Variants in CCDC174 observed in about 807,000 individuals in gnomAD.
CCDC174 encodes the protein coiled-coil domain-containing protein 174.
CCDC174 carries 37 observed loss-of-function variants against 57.1 expected under a neutral mutation model. The ratio of observed to expected loss-of-function variants is 0.65; its 90% CI spans 0.50 to 0.85. The LOEUF (loss-of-function observed/expected upper bound fraction) is 0.85. Among genes scored for constraint, CCDC174 ranks in the 40% least tolerant of loss-of-function variants. The pLI is 0.00. For missense variants in CCDC174, 540 were observed against 574.3 expected (o/e 0.94, Z 0.61); for synonymous variants, 182 against 190.2 (o/e 0.96, Z 0.35).
In CCDC174 at chr3:14,668,105, A is replaced by G; in HGVS notation, c.876A>G (p.Leu292=). 6.2e-7 allele frequency: 1 copy of G among 1,610,364 alleles called. No individual in the cohort carries two copies. Among genetic ancestry groups the G allele is most frequent in the South Asian group, 1.1e-5 (1 of 90,224 alleles). The change falls in exon 9 of 11, where the codon TTA becomes TTG. Residue 292 remains leucine (L), a synonymous_variant. Transcript: ENST00000383794. The stretch of plus-strand genomic sequence containing the variant: ...TAAAGGAAAAGCGAAAGGCTATCTT[A>G]GAGGCAAGACTTGCCAAACTTCGAC... ...ENIKEKRKAI[L]EARLAKLRQK...
intron 5 of CCDC174, among the ~76,000 whole-genome samples, chr3:14,662,346 T>A (rs1297060652): frequency 3.1e-5 from 1 of 31,962 alleles, no homozygotes; most frequent in Non-Finnish European, 5.9e-5. Flanking sequence ...CCGCCCCCCT[T>A]CAAGAAGTAA....
At chr3:14,653,635 T>C (rs1197630635) in intron 1 of CCDC174, among the ~76,000 whole-genome samples, 1 of 152,226 alleles carries the variant, frequency 6.6e-6, no homozygotes, top group African/African-American at 2.4e-5. Flanking sequence ...GGGTAATTAA[T>C]GTAGCTGAGG....
rs778314409 is a variant in CCDC174, at chr3:14,666,875, T to C, written c.652T>C (p.Trp218Arg). Reference protein sequence around the residue: ...DMRKELQRQQWEEEEREALKR... With the variant: ...DMRKELQRQQREEEEREALKR... The stretch of plus-strand genomic sequence containing the variant: ...GAGAAAAGAACTTCAGCGCCAGCAA[T>C]GGGAGGAAGAAGAAAGAGAGGCCCT... The change falls in exon 7 of 11, where the codon TGG becomes CGG. Residue 218 changes from tryptophan (W) to arginine (R), a missense_variant. Coordinates refer to ENST00000383794, the MANE Select transcript of CCDC174 (RefSeq NM_016474.5). 4.4e-6 allele frequency: 7 copies of C among 1,607,182 alleles called. No homozygotes were observed. Among genetic ancestry groups the C allele is most frequent in the East Asian group, 4.5e-5 (2 of 44,750 alleles).
At position 14,666,037 on chromosome 3, in the gene CCDC174, C is replaced by CAA. The variant is rs71038422; in HGVS notation, c.582-746_582-745dup. 4.9e-3 allele frequency among the ~76,000 whole-genome samples: 417 copies of CAA among 84,786 alleles called. 5 individuals are homozygous for CAA. The highest frequency in any genetic ancestry group is 0.018 in the African/African-American group (389 of 21,900). 55.6% of individuals were successfully genotyped at this position (84,786 alleles called of 152,430 possible). A position where few individuals can be genotyped will look rare whatever the true frequency, so the allele number is the denominator to read the frequency against. On this transcript the variant is annotated intron_variant, in intron 6 of 10. Transcript: ENST00000383794. Reference sequence around the variant, plus strand: ...TGGGCTACAGAGCGAGACTCCGTCTCAAAAAAAAAAAAAAAAAAAAAAAGA... The same window carrying CAA: ...TGGGCTACAGAGCGAGACTCCGTCTCAAAAAAAAAAAAAAAAAAAAAAAAAGA...
intron 3 of CCDC174, among the ~76,000 whole-genome samples, chr3:14,656,783 A>G (rs549104238): frequency 1.3e-5 from 2 of 152,188 alleles, no homozygotes; most frequent in African/African-American, 2.4e-5. Context: ...TAATTCTGTC[A>G]TTCCATCTTT....
chr3:14,652,135 C>T (rs918317394), intron 1 of CCDC174, among the ~76,000 whole-genome samples: 1 of 152,166 alleles, frequency 6.6e-6, no homozygotes, highest in African/African-American at 2.4e-5. Context: ...CCTGGTGTCC[C>T]GTGGGTTAGG....
intron 7 of CCDC174, chr3:14,667,194 T>G (rs570953092): frequency 1.6e-6 from 1 of 617,278 alleles, no homozygotes; most frequent in Admixed American, 3.0e-5. Flanking sequence ...AGCCCATGGC[T>G]GAAAGCAAAC....
chr3:14,652,008 C>A, intron 1 of CCDC174, 130 bp downstream of exon 1: 1 of 889,062 alleles, frequency 1.1e-6, no homozygotes, highest in Non-Finnish European at 1.8e-6. Flanking sequence ...AACAGGAACC[C>A]CCGAACTGGA....
Position 14,658,853 on chromosome 3 carries a change from G to C in CCDC174, c.249-18G>C. The C allele has an allele frequency of 6.5e-7, 1 of 1,541,144 alleles. No homozygotes were observed. The highest frequency in any genetic ancestry group is 8.9e-7 in the Non-Finnish European group (1 of 1,129,506). ...AGTTATAAGACCATTTCTAATACTT[G>C]TATTTTTTTTCTCCTAGGGAAAAAT... On this transcript the variant is annotated intron_variant, in intron 3 of 10. Transcript: ENST00000383794.
At chr3:14,660,519 A>T (rs2053019) in intron 4 of CCDC174, among the ~76,000 whole-genome samples, 2,467 of 152,044 alleles carry the variant, frequency 0.016, 49 homozygotes, top group African/African-American at 0.056. Flanking sequence ...AAGAAAAAAA[A>T]AGTTTATTTT....
At chr3:14,663,685 C>G (rs1020654659) in intron 5 of CCDC174, among the ~76,000 whole-genome samples, 7 of 149,080 alleles carry the variant, frequency 4.7e-5, no homozygotes, top group African/African-American at 1.8e-4. Flanking sequence ...TTTTGGAGGC[C>G]TTCTCCAGAA....
chr3:14,659,315 G>A (rs368078616), intron 4 of CCDC174, among the ~76,000 whole-genome samples: 1 of 152,196 alleles, frequency 6.6e-6, no homozygotes, highest in Non-Finnish European at 1.5e-5. Context: ...TTGTGGTTCT[G>A]TTAGGTGCTA....
intron 1 of CCDC174, among the ~76,000 whole-genome samples, chr3:14,653,628 T>C (rs1020476969): frequency 6.6e-5 from 10 of 152,094 alleles, no homozygotes; most frequent in Admixed American, 6.5e-4. Context: ...TAGGCAGGGG[T>C]AATTAATGTA....
At chr3:14,653,890 G>T (rs1412006945) in intron 1 of CCDC174, among the ~76,000 whole-genome samples, 1 of 152,224 alleles carries the variant, frequency 6.6e-6, no homozygotes, top group Non-Finnish European at 1.5e-5. Context: ...CTGAACTTAT[G>T]TGCTACTTTC....
At chr3:14,662,893 TA>T (rs1306600507) in intron 5 of CCDC174, among the ~76,000 whole-genome samples, 3 of 152,246 alleles carry the variant, frequency 2.0e-5, no homozygotes, top group African/African-American at 7.2e-5. Context: ...CTCATTGGGA[TA>T]AAACAGGTAT....
chr3:14,659,281 CAG>C (rs1328739175), intron 4 of CCDC174, among the ~76,000 whole-genome samples: 2 of 142,086 alleles, frequency 1.4e-5, no homozygotes, highest in Non-Finnish European at 3.0e-5. Context: ...TGTGCTAAAA[CAG>C]GGTGGGTTGG....
intron 5 of CCDC174, among the ~76,000 whole-genome samples, chr3:14,664,350 T>A (rs567722355): frequency 5.3e-5 from 8 of 152,320 alleles, no homozygotes; most frequent in African/African-American, 1.9e-4. Context: ...TGTTGCGTCA[T>A]AATACAAATG....
In CCDC174 at chr3:14,667,270, G is replaced by T. The variant is rs144336266; in HGVS notation, c.725-154G>T. 1.5e-3 allele frequency: 1,032 copies of T among 676,732 alleles called. 6 individuals carry two copies. In the African/African-American group the frequency reaches 0.017, roughly 11 times the overall value. 41.9% of individuals were successfully genotyped at this position (676,732 alleles called of 1,614,324 possible). Reference sequence around the variant, plus strand: ...TTGGTCTAACTTTTGTGTTTCTTTGGTTTTTTGTTTCTTCGCTTAGCTGTT... The same window carrying T: ...TTGGTCTAACTTTTGTGTTTCTTTGTTTTTTTGTTTCTTCGCTTAGCTGTT... On this transcript the variant is annotated intron_variant, in intron 7 of 10. Transcript: ENST00000383794.
Position 14,671,143 on chromosome 3 carries a change from T to TA in CCDC174, c.1354dup (p.Thr452AsnfsTer7). The TA allele has an allele frequency of 6.2e-7, 1 of 1,613,684 alleles. No individual in the cohort carries two copies. The highest frequency in any genetic ancestry group is 8.5e-7 in the Non-Finnish European group (1 of 1,179,812). The stretch of plus-strand genomic sequence containing the variant: ...ACAACCCACCACAAGCCCCCACAGT[T>TA]ACTTTCAAAACTCTGGATGACATGA... On this transcript the variant is annotated frameshift_variant, in exon 11 of 11. Transcript: ENST00000383794. LOFTEE classifies it high-confidence loss of function.
Sources: allele counts gnomAD v4.1 joint callset (sites outside exome capture counted in the v4.1 genomes callset), GRCh38; gene constraint gnomAD v4.1.1; transcripts MANE v1.5; gene names NCBI Gene and HGNC (gene_info 2026-07-23, HGNC 2026-07-21).